Variants in PAX5 observed in about 807,000 individuals in gnomAD.
PAX5 encodes paired box 5, also known as paired box protein Pax-5.
Under a neutral mutation model 43.7 loss-of-function variants are expected in PAX5, and 9 were observed. That is an observed-to-expected ratio of 0.21 (90% CI 0.12 to 0.36). PAX5 has a LOEUF of 0.36. Among genes scored for constraint, PAX5 ranks in the 10% least tolerant of loss-of-function variants. The pLI is 1.00. For synonymous variants in PAX5, 228 were observed against 214.3 expected, an observed-to-expected ratio of 1.06 and a Z score of -0.56; for missense variants, 383 against 532.7, an observed-to-expected ratio of 0.72 and a Z score of 2.77.
chr9:36,935,926 G>A (rs1831516751), intron 6 of PAX5, among the ~76,000 whole-genome samples: 1 of 152,248 alleles, frequency 6.6e-6, no homozygotes, highest in Non-Finnish European at 1.5e-5. Context: ...CGGGGCCCCA[G>A]GGCCTCCACT....
intron 8 of PAX5, among the ~76,000 whole-genome samples, chr9:36,870,761 C>A (rs1462037388): frequency 6.6e-6 from 1 of 152,228 alleles, no homozygotes; most frequent in East Asian, 1.9e-4. Context: ...GGGACACCAA[C>A]CTCATCTTCC....
intron 9 of PAX5, among the ~76,000 whole-genome samples, chr9:36,845,761 C>T (rs1041967107): frequency 6.6e-6 from 1 of 152,192 alleles, no homozygotes; most frequent in Non-Finnish European, 1.5e-5. Context: ...GATTACATGG[C>T]CTTTTTCACA....
At chr9:36,868,250 C>T (rs866317238) in intron 8 of PAX5, among the ~76,000 whole-genome samples, 3 of 152,234 alleles carry the variant, frequency 2.0e-5, no homozygotes, top group Admixed American at 1.3e-4. Context: ...GACTCTGGAC[C>T]GGGCAAGATG....
At chr9:36,973,087 A>ACGG (rs1564026577) in intron 5 of PAX5, among the ~76,000 whole-genome samples, 95 of 76,420 alleles carry the variant, frequency 1.2e-3, no homozygotes, top group African/African-American at 3.0e-3. Flanking sequence ...ACGGAACGGA[A>ACGG]AGGAAAGGAA....
At chr9:37,033,595 A>C (rs1841213593) in intron 1 of PAX5, among the ~76,000 whole-genome samples, 1 of 72,598 alleles carries the variant, frequency 1.4e-5, no homozygotes, top group African/African-American at 4.7e-5. Context: ...CACGAGTATA[A>C]AGATACACAC....
At chr9:36,989,593 T>C (rs1836755494) in intron 5 of PAX5, among the ~76,000 whole-genome samples, 1 of 152,198 alleles carries the variant, frequency 6.6e-6, no homozygotes, top group African/African-American at 2.4e-5. Flanking sequence ...CATGCTTAGG[T>C]ATGGCAGGCA....
At chr9:36,931,574 C>A (rs781445219) in intron 6 of PAX5, among the ~76,000 whole-genome samples, 1 of 152,114 alleles carries the variant, frequency 6.6e-6, no homozygotes, top group African/African-American at 2.4e-5. Context: ...CATGGCCAGG[C>A]GCGGTGGCTC....
At position 36,838,671 on chromosome 9, in the gene PAX5, T is replaced by C. The variant is rs142653114; in HGVS notation, c.*1889A>G. On this transcript the variant is annotated 3_prime_UTR_variant, in exon 10 of 10. Coordinates refer to ENST00000358127, the MANE Select transcript of PAX5 (RefSeq NM_016734.3). ...TCTTGTTTCCCACTTGGTCCAAATA[T>C]TATTGGGCCTCAGGTGCCCACCCCC... 805 of 232,902 alleles carry C rather than the reference T, an allele frequency of 3.5e-3. 6 individuals carry two copies. Among genetic ancestry groups the C allele is most frequent in the African/African-American group, 0.016 (738 of 45,394 alleles). 14.4% of individuals were successfully genotyped at this position (232,902 alleles called of 1,614,324 possible). A position where few individuals can be genotyped will look rare whatever the true frequency, so the allele number is the denominator to read the frequency against.
intron 7 of PAX5, among the ~76,000 whole-genome samples, chr9:36,887,167 T>C (rs561974738): frequency 6.6e-6 from 1 of 152,312 alleles, no homozygotes; most frequent in African/African-American, 2.4e-5. Flanking sequence ...TAAAAATGTT[T>C]CCCCTCGAGG....
intron 8 of PAX5, among the ~76,000 whole-genome samples, chr9:36,873,033 G>A (rs1227773772): frequency 6.6e-6 from 1 of 152,156 alleles, no homozygotes; most frequent in African/African-American, 2.4e-5. Flanking sequence ...CTCACGCACT[G>A]GTCCCTTACC....
At chr9:36,874,676 G>A (rs764730556) in intron 8 of PAX5, among the ~76,000 whole-genome samples, 12 of 152,112 alleles carry the variant, frequency 7.9e-5, no homozygotes, top group Non-Finnish European at 1.6e-4. Context: ...CACTGTATTC[G>A]GAGACTGCCT....
chr9:36,863,882 G>C (rs896168578), intron 8 of PAX5, among the ~76,000 whole-genome samples: 1 of 152,240 alleles, frequency 6.6e-6, no homozygotes, highest in Non-Finnish European at 1.5e-5. Flanking sequence ...AGGCTAAGGT[G>C]GGCGGATCAG....
intron 1 of PAX5, among the ~76,000 whole-genome samples, chr9:37,030,067 G>A (rs1267532723): frequency 6.6e-6 from 1 of 152,308 alleles, no homozygotes; most frequent in South Asian, 2.1e-4. Flanking sequence ...AATCCCCGGG[G>A]CACGGCCCGA....
At chr9:36,935,236 C>A (rs1170784654) in intron 6 of PAX5, among the ~76,000 whole-genome samples, 1 of 152,068 alleles carries the variant, frequency 6.6e-6, no homozygotes, top group Non-Finnish European at 1.5e-5. Flanking sequence ...CAAAATTAGC[C>A]GGGCATGGTG....
intron 7 of PAX5, among the ~76,000 whole-genome samples, chr9:36,919,287 C>G (rs1829951886): frequency 6.6e-6 from 1 of 152,094 alleles, no homozygotes; most frequent in African/African-American, 2.4e-5. Context: ...CAAAATATTA[C>G]TGCTTATTGA....
At chr9:37,019,329 C>A (rs959992537) in intron 2 of PAX5, among the ~76,000 whole-genome samples, 3 of 152,190 alleles carry the variant, frequency 2.0e-5, no homozygotes, top group African/African-American at 7.2e-5. Flanking sequence ...CCTGCAATCA[C>A]CCCCTATCTC....
chr9:36,856,493 A>G (rs958042245), intron 8 of PAX5: 5 of 152,168 alleles, frequency 3.3e-5, no homozygotes, highest in African/African-American at 1.2e-4. Context: ...AAAAGAGTGC[A>G]AAAGTACAAG....
chr9:36,911,379 T>G (rs1225394947), intron 7 of PAX5, among the ~76,000 whole-genome samples: 1 of 152,016 alleles, frequency 6.6e-6, no homozygotes, highest in Admixed American at 6.6e-5. Flanking sequence ...CAGGCTAGTC[T>G]CGAACTCCTG....
intron 7 of PAX5, among the ~76,000 whole-genome samples, chr9:36,898,237 T>C (rs1828039868): frequency 6.6e-6 from 1 of 152,240 alleles, no homozygotes; most frequent in South Asian, 2.1e-4. Flanking sequence ...AGTTTTAAAG[T>C]TCCACAGGCC....
Sources: gnomAD v4.1 joint callset for allele counts (sites outside exome capture counted in the v4.1 genomes callset) on GRCh38, gnomAD v4.1.1 for gene constraint, MANE v1.5 for transcripts, NCBI Gene and HGNC (gene_info 2026-07-23, HGNC 2026-07-21) for gene names.